The following NID2 variants were observed in gnomAD, a reference collection of about 807,000 sequenced individuals.
NID2 encodes nidogen-2.
NID2 carries 83 observed loss-of-function variants against 145.4 expected under a neutral mutation model. That is an observed-to-expected ratio of 0.57 (90% CI 0.48 to 0.69). The LOEUF (loss-of-function observed/expected upper bound fraction) is 0.69, where lower values mean the gene tolerates loss of function less well. Ranked by LOEUF, NID2 falls within the 30% of genes least tolerant of loss-of-function variation. NID2 has a pLI of 0.00. For missense variants in NID2, 1,807 were observed against 1,765.7 expected (o/e 1.02, Z -0.42); for synonymous variants, 739 against 701.3 (o/e 1.05, Z -0.85).
chr14:52,011,845 T>C (rs777556495), intron 16 of NID2, 162 bp from the exon 17 acceptor site: 51 of 794,670 alleles, frequency 6.4e-5, no homozygotes, highest in Non-Finnish European at 9.3e-5. Flanking sequence ...GGGTGAAATC[T>C]AGGCTCAGCC....
chr14:52,043,081 G>A, intron 5 of NID2, 150 bp from the exon 6 acceptor site: 1 of 734,736 alleles, frequency 1.4e-6, no homozygotes, highest in Non-Finnish European at 2.2e-6. Context: ...TTCAACCCAA[G>A]GGAATTAATC....
rs747696370 is a variant in NID2, at chr14:52,042,893, G to T, written c.1468C>A (p.His490Asn). 6.2e-7 allele frequency: 1 copy of T among 1,614,190 alleles called. No homozygotes were observed. Among genetic ancestry groups the T allele is most frequent in the East Asian group, 2.2e-5 (1 of 44,884 alleles). Reference sequence around the variant, plus strand: ...TGCCGGGAGCATTGTCTGTGGTTGTGTTCACAGGTTTCCTTGTTGGCAGCA... The same window carrying T: ...TGCCGGGAGCATTGTCTGTGGTTGTTTTCACAGGTTTCCTTGTTGGCAGCA... Reference protein sequence around the residue: ...YNAANKETCEHNHRQCSRHAF... With the variant: ...YNAANKETCENNHRQCSRHAF... The change falls in exon 6 of 22, where the codon CAC becomes AAC. Residue 490 changes from histidine to asparagine, a missense_variant. By Grantham distance (68) the His-to-Asn change is moderately conservative (BLOSUM62 1). Transcript: ENST00000216286.
In NID2 at chr14:52,026,307, T is replaced by C. The variant is rs574577085; in HGVS notation, c.2674+894A>G. On this transcript the variant is annotated intron_variant, in intron 12 of 21. Coordinates refer to ENST00000216286, the MANE Select transcript of NID2 (RefSeq NM_007361.4). The stretch of plus-strand genomic sequence containing the variant: ...TCTTAGCACATCAGCTCGGTGGGCC[T>C]GGGCGGATGGAGGCAGATGCACACA... Among the ~76,000 whole-genome samples the C allele has an allele frequency of 1.4e-4, 21 of 152,290 alleles. 1 individual carries two copies. Among genetic ancestry groups the C allele is most frequent in the African/African-American group, 5.1e-4 (21 of 41,552 alleles).
chr14:52,022,232 G>A (rs1457944129), intron 12 of NID2, among the ~76,000 whole-genome samples: 1 of 150,400 alleles, frequency 6.6e-6, no homozygotes, highest in African/African-American at 2.5e-5. Context: ...CCTCCCCACA[G>A]ATACTGTTGG....
rs1370840381 is a variant in NID2, at chr14:52,028,788, G to A, written c.2464C>T (p.Pro822Ser). Residue 822 changes from proline (P) to serine (S), a missense_variant, in exon 11 of 22, where the codon CCT (proline) becomes TCT (serine). Physicochemically the swap from Pro to Ser is moderately conservative, Grantham distance 74. Transcript: ENST00000216286. ...CGGCACTCACACCTGTAGCTTCCAGGCAAGTTGATACATACAGAGTTGGGG... is the reference window on the plus strand; with the variant it reads ...CGGCACTCACACCTGTAGCTTCCAGACAAGTTGATACATACAGAGTTGGGG... ...CGPNSVCINL[P>S]GSYRCECRSG... 1 of 1,614,010 alleles carries A rather than the reference G, an allele frequency of 6.2e-7. No homozygotes were observed. Among genetic ancestry groups the A allele is most frequent in the Admixed American group, 1.7e-5 (1 of 60,014 alleles).
intron 5 of NID2, 41 bp downstream of exon 5, chr14:52,053,538 T>C (rs1892744263): frequency 1.3e-6 from 2 of 1,571,416 alleles, no homozygotes; most frequent in South Asian, 1.2e-5. Context: ...ACCAGCATGG[T>C]TAAGATGAAA....
chr14:52,057,425 G>T (rs759841715), intron 3 of NID2, among the ~76,000 whole-genome samples: 3 of 152,122 alleles, frequency 2.0e-5, no homozygotes, highest in African/African-American at 7.2e-5. Flanking sequence ...TAAACAGGCC[G>T]GGTATGGTGG....
intron 2 of NID2, among the ~76,000 whole-genome samples, chr14:52,067,348 G>T (rs905018139): frequency 2.0e-5 from 3 of 152,178 alleles, no homozygotes; most frequent in African/African-American, 7.2e-5. Context: ...TTATAAAACA[G>T]TATGTGCAGT....
At chr14:52,012,935 C>G (rs745629756) in intron 16 of NID2, among the ~76,000 whole-genome samples, 1 of 152,066 alleles carries the variant, frequency 6.6e-6, no homozygotes, top group African/African-American at 2.4e-5. Context: ...CCCCTGGGAG[C>G]GTAGTCAGCC....
chr14:52,007,687 A>G, intron 19 of NID2, 123 bp downstream of exon 19: 1 of 918,504 alleles, frequency 1.1e-6, no homozygotes. Context: ...ACTAGTACTT[A>G]AAAGTTTACA....
intron 11 of NID2, 28 bp from the exon 12 acceptor site, chr14:52,027,372 C>T: frequency 6.7e-7 from 1 of 1,498,666 alleles, no homozygotes; most frequent in Non-Finnish European, 8.9e-7. Context: ...TAAGGGCATC[C>T]AGAGTTTAGG....
chr14:52,068,973 C>G lies in NID2; in HGVS notation c.22G>C (p.Gly8Arg), dbSNP rs758751854. MEGDRVAGRPVLSSLPVL... is the reference protein window; with the variant it reads MEGDRVARRPVLSSLPVL... ...GGTAACGACGACAGCACCGGCCGCCCGGCCACCCGGTCCCCCTCCATGCTC... is the reference window on the plus strand; with the variant it reads ...GGTAACGACGACAGCACCGGCCGCCGGGCCACCCGGTCCCCCTCCATGCTC... The change falls in exon 1 of 22, where the codon GGG (glycine) becomes CGG (arginine). Residue 8 changes from glycine (G) to arginine (R), a missense_variant. Gly to Arg is a moderately radical substitution (Grantham distance 125). Coordinates refer to ENST00000216286, the MANE Select transcript of NID2 (RefSeq NM_007361.4). 3.1e-6 allele frequency: 5 copies of G among 1,612,006 alleles called. No homozygotes were observed. The highest frequency in any genetic ancestry group is 4.2e-6 in the Non-Finnish European group (5 of 1,179,466).
At chr14:52,060,380 G>C in intron 2 of NID2, 24 bp from the exon 3 acceptor site, 1 of 531,682 alleles carries the variant, frequency 1.9e-6, no homozygotes. Context: ...AAAAAAAAAA[G>C]AGAGAGAGAG....
At chr14:52,035,925 T>C (rs1168368440) in intron 9 of NID2, among the ~76,000 whole-genome samples, 1 of 124,646 alleles carries the variant, frequency 8.0e-6, no homozygotes, top group Non-Finnish European at 1.7e-5. Flanking sequence ...GCCAGGCTGG[T>C]CTTGAACTCC....
chr14:52,010,875 C>T lies in NID2; in HGVS notation c.3722+1G>A, dbSNP rs1165205098. ...AGAAGAATTAGGGAAGCCCAGCTGA[C>T]CCTCGGATTGGATCCACAGCGATGG... is the stretch of plus-strand genomic sequence containing the variant. On this transcript the variant is annotated splice_donor_variant, in intron 18 of 21. Transcript: ENST00000216286. LOFTEE classifies it high-confidence loss of function. 6.2e-7 allele frequency: 1 copy of T among 1,611,444 alleles called. No homozygotes were observed. Among genetic ancestry groups the T allele is most frequent in the Admixed American group, 1.7e-5 (1 of 59,976 alleles).
At position 52,014,284 on chromosome 14, in the gene NID2, T is replaced by C; in HGVS notation, c.3420+3A>G. 6.2e-7 allele frequency: 1 copy of C among 1,614,224 alleles called. No individual in the cohort carries two copies. The highest frequency in any genetic ancestry group is 8.5e-7 in the Non-Finnish European group (1 of 1,180,040). ...TGCCCCCTACAGGAGAAATCCACTT[T>C]ACATGCAGAGACAGCAGGGTCTTAG... On this transcript the variant is annotated splice_donor_region_variant and intron_variant, in intron 16 of 21. Transcript: ENST00000216286.
Position 52,011,024 on chromosome 14 carries a change from C to A in NID2, c.3574G>T (p.Ala1192Ser). Residue 1192 changes from alanine (A) to serine (S), a missense_variant, in exon 18 of 22, where the codon GCC becomes TCC. Ala to Ser is a moderately conservative substitution (Grantham distance 99). Transcript: ENST00000216286. ...NSGLISPEGL[A>S]IDHIRRTMYW... ...ATTGTTCTGCGGATGTGGTCTATGG[C>A]AAGTCCTTCAGGGCTTATCAGACCT... 2 of 1,614,142 alleles carry A rather than the reference C, an allele frequency of 1.2e-6. No homozygotes were observed. Among genetic ancestry groups the A allele is most frequent in the Non-Finnish European group, 1.7e-6 (2 of 1,180,006 alleles).
intron 2 of NID2, among the ~76,000 whole-genome samples, chr14:52,061,702 T>C (rs748580647): frequency 4.5e-4 from 68 of 152,344 alleles, no homozygotes; most frequent in Non-Finnish European, 6.0e-4. Flanking sequence ...CAGGTCCTTA[T>C]AGGATCACTC....
In NID2 at chr14:52,022,736, G is replaced by A. The variant is rs74359458; in HGVS notation, c.2675-2558C>T. ...AAAAATCCTTCGAGTTCATGCTTTC[G>A]TGCTTCAACATCCTTCTCACTGCCC... On this transcript the variant is annotated intron_variant, in intron 12 of 21. Transcript: ENST00000216286. 9.1e-3 allele frequency among the ~76,000 whole-genome samples: 1,385 copies of A among 152,252 alleles called. 17 individuals are homozygous for A. The highest frequency in any genetic ancestry group is 0.041 in the Middle Eastern group (12 of 294).
Sources: gnomAD v4.1 joint callset for allele counts (sites outside exome capture counted in the v4.1 genomes callset) on GRCh38, gnomAD v4.1.1 for gene constraint, MANE v1.5 for transcripts, NCBI Gene and HGNC (gene_info 2026-07-23, HGNC 2026-07-21) for gene names.